The following CSTPP1 variants were observed in gnomAD, a reference collection of about 807,000 sequenced individuals.
The protein encoded by CSTPP1 is UPF0705 protein C11orf49.
At chr11:46,981,054 A>G in the CSTPP1 span, among the ~76,000 whole-genome samples, 10 of 152,192 alleles carry the variant, frequency 6.6e-5, no homozygotes, top group African/African-American at 1.4e-4. Context: ...TGCCAATTCC[A>G]TCTTGAGGAA....
At chr11:47,054,305 C>T in the CSTPP1 span, among the ~76,000 whole-genome samples, 5 of 126,214 alleles carry the variant, frequency 4.0e-5, no homozygotes, top group East Asian at 2.2e-4. Flanking sequence ...AGCAATACTC[C>T]GTCTCAAAAA....
chr11:47,116,819 A>G, the CSTPP1 span, among the ~76,000 whole-genome samples: 1 of 151,534 alleles, frequency 6.6e-6, no homozygotes, highest in Non-Finnish European at 1.5e-5. Context: ...AGCTGGGACT[A>G]CAGGCGCCTG....
the CSTPP1 span, among the ~76,000 whole-genome samples, chr11:47,132,947 T>C: frequency 3.8e-4 from 58 of 152,220 alleles, no homozygotes; most frequent in Non-Finnish European, 6.5e-4. Context: ...AAAATAATAA[T>C]AGCAAGTACT....
chr11:47,001,649 A>C, the CSTPP1 span, among the ~76,000 whole-genome samples: 5 of 152,322 alleles, frequency 3.3e-5, no homozygotes, highest in Admixed American at 2.6e-4. Flanking sequence ...ATGATTATAA[A>C]ATATGTATCA....
At chr11:46,981,679 T>C in the CSTPP1 span, among the ~76,000 whole-genome samples, 1 of 152,226 alleles carries the variant, frequency 6.6e-6, no homozygotes, top group Non-Finnish European at 1.5e-5. Flanking sequence ...AATACGGGCT[T>C]TGGAGTCAAA....
the CSTPP1 span, among the ~76,000 whole-genome samples, chr11:47,115,123 G>GA: frequency 6.6e-6 from 1 of 152,126 alleles, no homozygotes; most frequent in African/African-American, 2.4e-5. Context: ...TTTATATGAT[G>GA]GATTACATTT....
the CSTPP1 span, among the ~76,000 whole-genome samples, chr11:46,952,962 T>G: frequency 1.3e-5 from 2 of 152,158 alleles, no homozygotes; most frequent in Non-Finnish European, 2.9e-5. Context: ...AGTTTTACAA[T>G]AAAGAAAGAT....
chr11:47,146,019 GA>G, the CSTPP1 span, among the ~76,000 whole-genome samples: 1 of 152,078 alleles, frequency 6.6e-6, no homozygotes, highest in African/African-American at 2.4e-5. Flanking sequence ...AAGTAGCTGG[GA>G]CTACAGGTGC....
At chr11:47,000,944 A>T in the CSTPP1 span, among the ~76,000 whole-genome samples, 541 of 152,322 alleles carry the variant, frequency 3.6e-3, 4 homozygotes, top group Non-Finnish European at 4.5e-3. Flanking sequence ...CAGGCTATAA[A>T]AGTAACATTC....
the CSTPP1 span, among the ~76,000 whole-genome samples, chr11:46,948,891 A>G: frequency 6.6e-6 from 1 of 152,174 alleles, no homozygotes; most frequent in Admixed American, 6.5e-5. Context: ...GAAGCTCCAC[A>G]CGTCAGTTAT....
At chr11:47,115,183 C>T in the CSTPP1 span, among the ~76,000 whole-genome samples, 2 of 152,138 alleles carry the variant, frequency 1.3e-5, no homozygotes, top group Admixed American at 1.3e-4. Flanking sequence ...ATGAAACTAA[C>T]TTGATCGTGG....
chr11:47,134,372 G>A, the CSTPP1 span, among the ~76,000 whole-genome samples: 4 of 152,046 alleles, frequency 2.6e-5, no homozygotes, highest in Non-Finnish European at 4.4e-5. Flanking sequence ...TGTATTTTTA[G>A]TAAAGATGGG....
chr11:47,098,905 C>G, the CSTPP1 span, among the ~76,000 whole-genome samples: 1 of 152,026 alleles, frequency 6.6e-6, no homozygotes, highest in African/African-American at 2.4e-5. Flanking sequence ...AGCTATGGAA[C>G]AAAAAGTACC....
the CSTPP1 span, chr11:47,157,047 T>C: frequency 1.2e-6 from 2 of 1,613,980 alleles, no homozygotes; most frequent in Non-Finnish European, 1.7e-6. Flanking sequence ...GTGGCTGCCA[T>C]CTATGAGGAC....
chr11:47,154,776 T>C, the CSTPP1 span, among the ~76,000 whole-genome samples: 4 of 152,208 alleles, frequency 2.6e-5, no homozygotes, highest in African/African-American at 7.2e-5. Context: ...TATTCTGAAC[T>C]AAATGGTCCT....
chr11:47,140,682 GC>G, the CSTPP1 span, among the ~76,000 whole-genome samples: 2 of 51,870 alleles, frequency 3.9e-5, no homozygotes, highest in African/African-American at 1.6e-4. Flanking sequence ...CAAAAGATCT[GC>G]CCACCTAGGC....
At chr11:47,152,354 G>A in the CSTPP1 span, among the ~76,000 whole-genome samples, 4 of 152,116 alleles carry the variant, frequency 2.6e-5, no homozygotes, top group African/African-American at 9.7e-5. Flanking sequence ...CTTCTGCAAC[G>A]GCCCATCTCC....
chr11:47,150,834 A>C, the CSTPP1 span, among the ~76,000 whole-genome samples: 4 of 148,894 alleles, frequency 2.7e-5, no homozygotes, highest in Non-Finnish European at 5.9e-5. Flanking sequence ...CTCACAGGCC[A>C]GATCCAAATG....
the CSTPP1 span, among the ~76,000 whole-genome samples, chr11:47,016,980 C>A: frequency 2.7e-5 from 4 of 148,888 alleles, no homozygotes; most frequent in African/African-American, 9.9e-5. Flanking sequence ...GTAGCTGGAA[C>A]TACAGGCGCC....
Sources: gnomAD v4.1 joint callset for allele counts (sites outside exome capture counted in the v4.1 genomes callset) on GRCh38, gnomAD v4.1.1 for gene constraint, MANE v1.5 for transcripts, NCBI Gene and HGNC (gene_info 2026-07-23, HGNC 2026-07-21) for gene names.